Variants in SLC39A14 observed in about 807,000 individuals in gnomAD.
SLC39A14 encodes metal cation symporter ZIP14.
Under a neutral mutation model 45.5 loss-of-function variants are expected in SLC39A14, and 19 were observed. The observed-to-expected ratio is 0.42, with a 90% CI of 0.29 to 0.61. The LOEUF (loss-of-function observed/expected upper bound fraction) is 0.61, where lower values mean the gene tolerates loss of function less well. Ranked by LOEUF, SLC39A14 falls within the 20% of genes least tolerant of loss-of-function variation. SLC39A14 has a pLI of 0.22. For missense variants in SLC39A14, 447 were observed against 616.5 expected, an observed-to-expected ratio of 0.73 and a Z score of 2.91; for synonymous variants, 264 against 251.3, an observed-to-expected ratio of 1.05 and a Z score of -0.48.
At chr8:22,390,150 C>T (rs566910841) in intron 1 of SLC39A14, 7 of 168,944 alleles carry the variant, frequency 4.1e-5, no homozygotes, top group Middle Eastern at 1.5e-3. Flanking sequence ...ACACTGCAGA[C>T]GCCTCTGGTT....
chr8:22,402,599 GTC>G (rs2132298249), intron 1 of SLC39A14, among the ~76,000 whole-genome samples: 1 of 151,436 alleles, frequency 6.6e-6, no homozygotes, highest in South Asian at 2.1e-4. Context: ...GTAAAACCCT[GTC>G]TCTACTAAAA....
chr8:22,418,825 A>G (rs1226265535), intron 8 of SLC39A14, among the ~76,000 whole-genome samples: 1 of 152,148 alleles, frequency 6.6e-6, no homozygotes, highest in East Asian at 1.9e-4. Context: ...CACTGCATCT[A>G]GCTTGTTAAT....
chr8:22,430,934 A>G (rs887807638), intron 8 of SLC39A14, among the ~76,000 whole-genome samples: 4 of 151,450 alleles, frequency 2.6e-5, no homozygotes, highest in African/African-American at 9.7e-5. Flanking sequence ...CGGCCTCCCA[A>G]AGTGCTGGGA....
intron 2 of SLC39A14, among the ~76,000 whole-genome samples, chr8:22,405,328 C>T (rs1229996640): frequency 1.3e-5 from 2 of 152,188 alleles, no homozygotes; most frequent in Non-Finnish European, 2.9e-5. Context: ...GCCTGGCCAA[C>T]ATGGTGAAAC....
chr8:22,401,543 CTTT>C (rs71544899), intron 1 of SLC39A14, among the ~76,000 whole-genome samples: 8 of 84,054 alleles, frequency 9.5e-5, no homozygotes, highest in Non-Finnish European at 1.4e-4. Context: ...TCTTCTCTTT[CTTT>C]TTTTTTTTTT....
chr8:22,367,589 G>C lies in SLC39A14; in HGVS notation c.-16+181G>C, dbSNP rs879557834. 7.9e-5 allele frequency: 12 copies of C among 152,534 alleles called. No individual in the cohort carries two copies. The highest frequency in any genetic ancestry group is 1.5e-4 in the Non-Finnish European group (10 of 68,298). The allele number at this position is 152,534 out of a possible 1,614,324, so 9.4% of individuals were successfully genotyped here. A position where few individuals can be genotyped will look rare whatever the true frequency, so the allele number is the denominator to read the frequency against. ...TGCACCTGGCCGTGGTGCCGCGCTG[G>C]CGAGGGGAGAGGTCAAGGCGCGGCC... On this transcript the variant is annotated intron_variant, in intron 1 of 8. Coordinates refer to ENST00000381237, the MANE Select transcript of SLC39A14 (RefSeq NM_001128431.4). The surrounding 1 kb of genome is among the most constrained non-coding windows in gnomAD (Gnocchi z 4.2).
intron 4 of SLC39A14, 67 bp from the exon 5 acceptor site, chr8:22,414,706 TTAAGAGA>T (rs1252350679): frequency 1.6e-5 from 23 of 1,474,472 alleles, no homozygotes; most frequent in Admixed American, 8.9e-5. Flanking sequence ...AAGGAAGTAG[TTAAGAGA>T]TAAGAGGGGG....
rs1835591374 is a variant in SLC39A14 at position 22,411,911 on chromosome 8, C to T, written c.458-126C>T. The T allele has an allele frequency of 4.7e-6, 4 of 843,118 alleles. No homozygotes were observed. The South Asian group carries it at 7.6e-5, about 16-fold the overall frequency. 52.2% of individuals were successfully genotyped at this position (843,118 alleles called of 1,614,324 possible). On this transcript the variant is annotated intron_variant, in intron 3 of 8. Transcript: ENST00000381237. Reference sequence around the variant, plus strand: ...TCTTTTTTGTTCCGTTAATATCCACCAAACTTTTCCTTGCGACCTCCCTAT... The same window carrying T: ...TCTTTTTTGTTCCGTTAATATCCACTAAACTTTTCCTTGCGACCTCCCTAT...
chr8:22,416,831 T>C (rs1222947956), intron 7 of SLC39A14, among the ~76,000 whole-genome samples: 1 of 152,208 alleles, frequency 6.6e-6, no homozygotes, highest in Non-Finnish European at 1.5e-5. Flanking sequence ...AGTGGCTCAG[T>C]TCTCACCTAT....
At chr8:22,408,222 C>A in intron 2 of SLC39A14, 88 bp from the exon 3 acceptor site, 1 of 1,198,294 alleles carries the variant, frequency 8.3e-7, no homozygotes. Context: ...TCTCTTTTTC[C>A]TCTGGGAAGG....
chr8:22,410,061 C>T (rs775435669), intron 3 of SLC39A14: 5 of 1,614,066 alleles, frequency 3.1e-6, no homozygotes, highest in African/African-American at 1.3e-5. Context: ...CTTACTTCAT[C>T]GCCCTGTCCA....
downstream of SLC39A14, among the ~76,000 whole-genome samples, chr8:22,423,145 T>C (rs1836313359): frequency 6.6e-6 from 1 of 151,584 alleles, no homozygotes; most frequent in African/African-American, 2.4e-5. Flanking sequence ...TTTTGTACTC[T>C]CTTCTCTTTT....
chr8:22,398,312 G>GT (rs1834631306), intron 1 of SLC39A14: 1 of 152,304 alleles, frequency 6.6e-6, no homozygotes, highest in African/African-American at 2.4e-5. Context: ...CTGACCCCGC[G>GT]TAAGAGCCCC....
chr8:22,384,609 G>C (rs531603353), intron 1 of SLC39A14, among the ~76,000 whole-genome samples: 2 of 151,846 alleles, frequency 1.3e-5, no homozygotes, highest in African/African-American at 4.8e-5. Context: ...TTAGCCAGGC[G>C]TGGTGGTGGG....
intron 1 of SLC39A14, chr8:22,398,888 T>A: frequency 6.8e-6 from 2 of 293,102 alleles, no homozygotes; most frequent in African/African-American, 4.5e-5. Flanking sequence ...TGCTTTTTCC[T>A]ATGTCTCCCT....
downstream of SLC39A14, among the ~76,000 whole-genome samples, chr8:22,424,921 C>T (rs1836357561): frequency 6.8e-6 from 1 of 146,908 alleles, no homozygotes; most frequent in East Asian, 2.0e-4. Context: ...CCCAGTTACT[C>T]AAGAGGCTGA....
chr8:22,371,799 C>G (rs1349799065), intron 1 of SLC39A14, among the ~76,000 whole-genome samples: 2 of 148,264 alleles, frequency 1.3e-5, no homozygotes, highest in African/African-American at 5.0e-5. Flanking sequence ...GGCTGGAGTG[C>G]AGTGGCACGA....
intron 3 of SLC39A14, chr8:22,410,071 A>G: frequency 1.9e-6 from 3 of 1,614,136 alleles, no homozygotes; most frequent in South Asian, 1.1e-5. Flanking sequence ...CGCCCTGTCC[A>G]TTGGAACGCT....
downstream of SLC39A14, among the ~76,000 whole-genome samples, chr8:22,427,231 C>A (rs559270755): frequency 7.0e-4 from 107 of 152,136 alleles, no homozygotes; most frequent in South Asian, 5.2e-3. Context: ...GCGGAGGTTG[C>A]GGTGAGCTGA....
Sources: gnomAD v4.1 joint callset for allele counts (sites outside exome capture counted in the v4.1 genomes callset) on GRCh38, gnomAD v4.1.1 for gene constraint, Gnocchi (gnomAD v3.1) non-coding constraint, MANE v1.5 for transcripts, NCBI Gene and HGNC (gene_info 2026-07-23, HGNC 2026-07-21) for gene names.